GMDS: variants seen among roughly 807,000 people sequenced by gnomAD.
GMDS encodes GDP-mannose 4,6-dehydratase, also known as GDP-mannose 4,6 dehydratase.
A neutral mutation model predicts 49.9 loss-of-function variants in GMDS; 20 were observed. The ratio of observed to expected loss-of-function variants is 0.40; its 90% CI spans 0.28 to 0.58. The LOEUF (loss-of-function observed/expected upper bound fraction) is 0.58. GMDS is among the 20% of genes least tolerant of loss of function. The pLI is 0.42. For synonymous variants in GMDS, 177 were observed against 178.6 expected (o/e 0.99, Z 0.07); for missense variants, 362 against 481.4 (o/e 0.75, Z 2.32).
At chr6:1,854,603 C>G (rs941854360) in intron 7 of GMDS, among the ~76,000 whole-genome samples, 5 of 152,174 alleles carry the variant, frequency 3.3e-5, no homozygotes, top group African/African-American at 1.2e-4. Flanking sequence ...TTGAACAGAA[C>G]AGCTAGAATT....
intron 1 of GMDS, among the ~76,000 whole-genome samples, chr6:2,141,679 G>A (rs1776294630): frequency 6.6e-6 from 1 of 152,104 alleles, no homozygotes; most frequent in African/African-American, 2.4e-5. Flanking sequence ...CCCCATTTTG[G>A]GAAGCCACAG....
At chr6:2,036,514 A>G (rs1320712826) in intron 4 of GMDS, among the ~76,000 whole-genome samples, 2 of 152,168 alleles carry the variant, frequency 1.3e-5, no homozygotes, top group Non-Finnish European at 2.9e-5. Flanking sequence ...TAGTACATCA[A>G]CTGTTCTAGG....
At chr6:1,790,883 A>G (rs1323719156) in intron 7 of GMDS, among the ~76,000 whole-genome samples, 1 of 152,118 alleles carries the variant, frequency 6.6e-6, no homozygotes, top group Non-Finnish European at 1.5e-5. Context: ...ATCAGTGACT[A>G]TGTTACCTCA....
At chr6:1,918,005 T>C (rs1010484294) in intron 7 of GMDS, among the ~76,000 whole-genome samples, 1 of 152,224 alleles carries the variant, frequency 6.6e-6, no homozygotes, top group African/African-American at 2.4e-5. Context: ...TCCACAGATA[T>C]TCCCAGAGCC....
intron 1 of GMDS, among the ~76,000 whole-genome samples, chr6:2,174,164 C>T (rs1197245076): frequency 1.3e-5 from 2 of 152,166 alleles, no homozygotes; most frequent in African/African-American, 4.8e-5. Context: ...AGGTTCTGTG[C>T]TTAGATGCTG....
intron 9 of GMDS, among the ~76,000 whole-genome samples, chr6:1,648,903 T>G (rs1763564403): frequency 6.6e-6 from 1 of 152,240 alleles, no homozygotes; most frequent in Admixed American, 6.5e-5. Context: ...GAGCTCTTAT[T>G]TGACTTTTTT....
At chr6:1,627,589 G>A (rs1419498124) in intron 9 of GMDS, among the ~76,000 whole-genome samples, 1 of 152,140 alleles carries the variant, frequency 6.6e-6, no homozygotes, top group Non-Finnish European at 1.5e-5. Flanking sequence ...CAGCTCCTAA[G>A]GACAAGAGAG....
intron 7 of GMDS, among the ~76,000 whole-genome samples, chr6:1,845,662 G>C (rs1561841966): frequency 6.6e-6 from 1 of 152,250 alleles, no homozygotes; most frequent in South Asian, 2.1e-4. Flanking sequence ...TGGGGGTGTG[G>C]GGCGATGGTT....
Position 1,836,162 on chromosome 6 carries a change from T to C in GMDS, c.772-93576A>G, listed in dbSNP as rs1451003945. On this transcript the variant is annotated intron_variant, in intron 7 of 10. Transcript: ENST00000380815. This position sits in a 1 kb window ranked among gnomAD's most constrained non-coding sequence, Gnocchi z 4.2. Reference sequence around the variant, plus strand: ...GATTACAGGCCTGAGCCACCGTGCCTGGCCTCGTTTGCTTTATTTTTTAAG... The same window carrying C: ...GATTACAGGCCTGAGCCACCGTGCCCGGCCTCGTTTGCTTTATTTTTTAAG... Among the ~76,000 whole-genome samples the C allele has an allele frequency of 1.3e-5, 2 of 152,220 alleles. No homozygotes were observed. The highest frequency in any genetic ancestry group is 1.5e-5 in the Non-Finnish European group (1 of 68,040).
At chr6:2,231,274 A>G (rs954158098) in intron 1 of GMDS, among the ~76,000 whole-genome samples, 1 of 152,090 alleles carries the variant, frequency 6.6e-6, no homozygotes, top group Non-Finnish European at 1.5e-5. Context: ...AAAGTGCCCA[A>G]GGGCCAGGAA....
chr6:1,676,588 T>C (rs754902893), intron 9 of GMDS, among the ~76,000 whole-genome samples: 1 of 152,172 alleles, frequency 6.6e-6, no homozygotes, highest in Non-Finnish European at 1.5e-5. Flanking sequence ...AACAGAGATA[T>C]AGACCAATGG....
intron 7 of GMDS, among the ~76,000 whole-genome samples, chr6:1,770,358 T>G (rs1768530139): frequency 6.6e-6 from 1 of 152,244 alleles, no homozygotes; most frequent in African/African-American, 2.4e-5. Flanking sequence ...TTGCATGTGT[T>G]TACTGAAGAC....
At chr6:1,690,665 A>G (rs566675400) in intron 9 of GMDS, among the ~76,000 whole-genome samples, 1 of 152,362 alleles carries the variant, frequency 6.6e-6, no homozygotes, top group African/African-American at 2.4e-5. Context: ...ATTTACAAGA[A>G]AAAAACCAAA....
intron 4 of GMDS, among the ~76,000 whole-genome samples, chr6:2,054,587 A>G (rs1770672801): frequency 6.6e-6 from 1 of 152,118 alleles, no homozygotes; most frequent in Non-Finnish European, 1.5e-5. Context: ...CAGCAAAGAG[A>G]CAGACCTAGA....
At chr6:1,871,582 T>C (rs918212781) in intron 7 of GMDS, among the ~76,000 whole-genome samples, 13 of 152,168 alleles carry the variant, frequency 8.5e-5, no homozygotes, top group African/African-American at 2.7e-4. Context: ...CTTTTTTTCA[T>C]GAAATAATAA....
intron 9 of GMDS, among the ~76,000 whole-genome samples, chr6:1,701,437 C>T (rs1236094852): frequency 6.6e-6 from 1 of 152,170 alleles, no homozygotes; most frequent in Non-Finnish European, 1.5e-5. Context: ...TGCCTGCTTA[C>T]ATGTTTTCAA....
intron 9 of GMDS, among the ~76,000 whole-genome samples, chr6:1,675,545 T>C (rs1189360609): frequency 1.3e-5 from 2 of 152,140 alleles, no homozygotes; most frequent in Admixed American, 1.3e-4. Context: ...GCATCTAGTT[T>C]CTCACCATCA....
At chr6:1,657,007 C>T (rs956275066) in intron 9 of GMDS, among the ~76,000 whole-genome samples, 1 of 152,132 alleles carries the variant, frequency 6.6e-6, no homozygotes, top group Non-Finnish European at 1.5e-5. Flanking sequence ...CACATCTCAC[C>T]CAAGGCCACT....
At chr6:2,003,539 C>T (rs2127385060) in intron 4 of GMDS, among the ~76,000 whole-genome samples, 1 of 152,278 alleles carries the variant, frequency 6.6e-6, no homozygotes, top group South Asian at 2.1e-4. Context: ...GTCCAAGTGG[C>T]AGCACCAGCA....
Sources: allele counts gnomAD v4.1 joint callset (sites outside exome capture counted in the v4.1 genomes callset), GRCh38; gene constraint gnomAD v4.1.1; non-coding constraint Gnocchi (gnomAD v3.1); transcripts MANE v1.5; gene names NCBI Gene and HGNC (gene_info 2026-07-23, HGNC 2026-07-21).